AOAH: variants seen among roughly 807,000 people sequenced by gnomAD.
AOAH encodes acyloxyacyl hydrolase (neutrophil).
Under a neutral mutation model 92.2 loss-of-function variants are expected in AOAH, and 64 were observed. The observed-to-expected ratio is 0.69, with a 90% confidence interval of 0.57 to 0.86. The LOEUF is 0.86. AOAH is among the 40% of genes least tolerant of loss of function. The probability of loss-of-function intolerance (pLI) is 0.00; values close to 1 mark genes in which losing one functional copy is unlikely to be tolerated. For missense variants in AOAH, 656 were observed against 694.6 expected (o/e 0.94, Z 0.62); for synonymous variants, 263 against 254.5 (o/e 1.03, Z -0.32).
intron 6 of AOAH, among the ~76,000 whole-genome samples, chr7:36,626,452 G>A (rs1177046767): frequency 1.3e-5 from 2 of 152,202 alleles, no homozygotes; most frequent in African/African-American, 4.8e-5. Flanking sequence ...AGACATGAGT[G>A]GGTAGACTGG....
intron 11 of AOAH, among the ~76,000 whole-genome samples, chr7:36,601,390 G>C (rs562022359): frequency 7.1e-6 from 1 of 141,294 alleles, no homozygotes; most frequent in Non-Finnish European, 1.6e-5. Context: ...GGGAGGGAGA[G>C]AGAGAGAAAC....
intron 13 of AOAH, among the ~76,000 whole-genome samples, chr7:36,576,195 CTT>C (rs1394688084): frequency 6.6e-6 from 1 of 152,208 alleles, no homozygotes; most frequent in Non-Finnish European, 1.5e-5. Flanking sequence ...ACGTGGGAGA[CTT>C]TGCACCATCA....
intron 12 of AOAH, among the ~76,000 whole-genome samples, chr7:36,588,547 G>A (rs189362064): frequency 2.5e-3 from 386 of 152,288 alleles, no homozygotes; most frequent in Non-Finnish European, 2.2e-3. Context: ...ATTTAATAAG[G>A]TTATTAGGCC....
At chr7:36,634,008 A>G (rs1292691900) in intron 5 of AOAH, among the ~76,000 whole-genome samples, 1 of 152,160 alleles carries the variant, frequency 6.6e-6, no homozygotes, top group Non-Finnish European at 1.5e-5. Context: ...GGGTGGGAGC[A>G]AGGGGCAATA....
At chr7:36,677,074 A>C (rs777896746) in intron 2 of AOAH, among the ~76,000 whole-genome samples, 7 of 152,160 alleles carry the variant, frequency 4.6e-5, no homozygotes, top group Admixed American at 6.5e-5. Flanking sequence ...GAAAAAAAAA[A>C]CAGAGAAACT....
At chr7:36,630,106 A>G (rs950360301) in intron 6 of AOAH, among the ~76,000 whole-genome samples, 28 of 152,196 alleles carry the variant, frequency 1.8e-4, no homozygotes, top group African/African-American at 6.5e-4. Context: ...CACGGCCACC[A>G]TTGGAAGCTA....
chr7:36,514,751 A>T, intron 20 of AOAH: 1 of 600,072 alleles, frequency 1.7e-6, no homozygotes, highest in Non-Finnish European at 2.9e-6. Flanking sequence ...GCTCAGGGAT[A>T]TCCCTGACTT....
intron 1 of AOAH, among the ~76,000 whole-genome samples, chr7:36,712,469 C>T (rs893848729): frequency 6.6e-6 from 1 of 152,108 alleles, no homozygotes; most frequent in African/African-American, 2.4e-5. Context: ...GGATTATTTT[C>T]CCCCTAAATC....
chr7:36,632,435 AAAG>A (rs78063610), intron 5 of AOAH, among the ~76,000 whole-genome samples: 14,780 of 152,212 alleles, frequency 0.097, 929 homozygotes, highest in South Asian at 0.17. Context: ...CTTTAAAAAT[AAAG>A]AAGATTTTCA....
chr7:36,620,229 A>G (rs574964160), intron 9 of AOAH, among the ~76,000 whole-genome samples: 1 of 152,184 alleles, frequency 6.6e-6, no homozygotes, highest in Non-Finnish European at 1.5e-5. Context: ...CACCCCACAA[A>G]CTTAAGCCTG....
chr7:36,638,212 G>C (rs1035355423), intron 4 of AOAH, among the ~76,000 whole-genome samples: 1 of 152,214 alleles, frequency 6.6e-6, no homozygotes, highest in Non-Finnish European at 1.5e-5. Flanking sequence ...AAAGCTAAGA[G>C]ATCTCATAGG....
intron 11 of AOAH, 73 bp downstream of exon 11, chr7:36,616,307 C>T (rs1173214019): frequency 4.8e-6 from 6 of 1,241,738 alleles, no homozygotes; most frequent in South Asian, 1.3e-5. Context: ...GTTGGCATCC[C>T]ATTTAGAGAG....
intron 1 of AOAH, among the ~76,000 whole-genome samples, chr7:36,700,254 T>A (rs1469293467): frequency 6.6e-6 from 1 of 152,122 alleles, no homozygotes; most frequent in African/African-American, 2.4e-5. Context: ...TGGTAAAGTC[T>A]GGGCTTTTCG....
chr7:36,669,853 A>G (rs2116622071), intron 3 of AOAH, among the ~76,000 whole-genome samples: 1 of 152,310 alleles, frequency 6.6e-6, no homozygotes, highest in Non-Finnish European at 1.5e-5. Flanking sequence ...TGTGATTTAG[A>G]GAGAAGCATA....
At chr7:36,537,372 C>T (rs1785137282) in intron 16 of AOAH, among the ~76,000 whole-genome samples, 1 of 151,896 alleles carries the variant, frequency 6.6e-6, no homozygotes, top group African/African-American at 2.4e-5. Flanking sequence ...AAGGACAAGG[C>T]AAAGGCAAAA....
chr7:36,514,510 C>T (rs943037711), intron 20 of AOAH: 13 of 1,536,028 alleles, frequency 8.5e-6, no homozygotes, highest in Non-Finnish European at 9.6e-6. Context: ...TTCCCTTTAT[C>T]CATGATGTTA....
At chr7:36,584,701 G>A (rs1422721799) in intron 12 of AOAH, among the ~76,000 whole-genome samples, 1 of 152,028 alleles carries the variant, frequency 6.6e-6, no homozygotes, top group Non-Finnish European at 1.5e-5. Flanking sequence ...TTTAACTTAC[G>A]CTGATTTATT....
intron 1 of AOAH, among the ~76,000 whole-genome samples, chr7:36,714,562 G>A (rs920528247): frequency 1.3e-5 from 2 of 152,054 alleles, no homozygotes; most frequent in Non-Finnish European, 1.5e-5. Flanking sequence ...GATGAACATC[G>A]ATGCAAAAAT....
intron 13 of AOAH, among the ~76,000 whole-genome samples, chr7:36,561,606 G>A (rs1308373090): frequency 2.6e-5 from 4 of 152,122 alleles, no homozygotes; most frequent in Non-Finnish European, 5.9e-5. Context: ...GTTCCAGTCC[G>A]GTGACTCCTG....
Sources: gnomAD v4.1 joint callset for allele counts (sites outside exome capture counted in the v4.1 genomes callset) on GRCh38, gnomAD v4.1.1 for gene constraint, MANE v1.5 for transcripts, NCBI Gene and HGNC (gene_info 2026-07-23, HGNC 2026-07-21) for gene names.